PRKN: variants seen among roughly 807,000 people sequenced by gnomAD.
The protein encoded by PRKN is parkin RBR E3 ubiquitin protein ligase.
A neutral mutation model predicts 59.5 loss-of-function variants in PRKN; 56 were observed. That is an observed-to-expected ratio of 0.94 (90% CI 0.76 to 1.18). The LOEUF (loss-of-function observed/expected upper bound fraction) is 1.18, where lower values mean the gene tolerates loss of function less well. Among genes scored for constraint, PRKN ranks in the 50% most tolerant of loss-of-function variants. The pLI is 0.00. For missense variants in PRKN, 657 were observed against 596.4 expected, an observed-to-expected ratio of 1.10 and a Z score of -1.06; for synonymous variants, 250 against 222.1, an observed-to-expected ratio of 1.13 and a Z score of -1.12.
rs1372944687 is a variant in PRKN, at chr6:161,372,581, T to G, written c.1168-12376A>C. Among the ~76,000 whole-genome samples the G allele has an allele frequency of 6.6e-6, 1 of 152,206 alleles. No homozygotes were observed. Among genetic ancestry groups the G allele is most frequent in the Non-Finnish European group, 1.5e-5 (1 of 68,032 alleles). On this transcript the variant is annotated intron_variant, in intron 10 of 11. Transcript: ENST00000366898. The surrounding 1 kb of genome is among the most constrained non-coding windows in gnomAD (Gnocchi z 4.2). ...TGACAAATAGCAAGCCAACAATCCC[T>G]GCCTTGTGGAGCTTCCCCATTAGCA...
chr6:161,847,507 T>C (rs1050180332), intron 6 of PRKN, among the ~76,000 whole-genome samples: 1 of 152,150 alleles, frequency 6.6e-6, no homozygotes, highest in Admixed American at 6.5e-5. Flanking sequence ...GGTGGGTATT[T>C]TGTGGCATGA....
rs114045082 is a variant in PRKN at position 162,071,666 on chromosome 6, G to A, written c.535-17492C>T. Among the ~76,000 whole-genome samples, 904 of 151,474 alleles carry A rather than the reference G, an allele frequency of 6.0e-3. 9 individuals are homozygous for A. The highest frequency in any genetic ancestry group is 0.021 in the African/African-American group (852 of 41,254). ...GGCTGGAGTGCAGTACTGCGATCCT[G>A]GCAAACTGCAACCTCTGCCTGCCGG... On this transcript the variant is annotated intron_variant, in intron 4 of 11. Coordinates refer to ENST00000366898, the MANE Select transcript of PRKN (RefSeq NM_004562.3).
At chr6:161,768,542 G>A (rs1789526779) in intron 7 of PRKN, among the ~76,000 whole-genome samples, 1 of 151,682 alleles carries the variant, frequency 6.6e-6, no homozygotes, top group Admixed American at 6.6e-5. Context: ...TTAAACACAT[G>A]GAAAACAAAA....
chr6:162,274,768 A>G (rs1015028373), intron 2 of PRKN, among the ~76,000 whole-genome samples: 6 of 152,118 alleles, frequency 3.9e-5, no homozygotes, highest in South Asian at 2.1e-4. Context: ...AAGTTTCTTC[A>G]TTGTCCTTAT....
chr6:161,386,300 T>C lies in PRKN; in HGVS notation c.1167+494A>G, dbSNP rs1786239075. 6.6e-6 allele frequency among the ~76,000 whole-genome samples: 1 copy of C among 152,180 alleles called. No individual in the cohort carries two copies. The highest frequency in any genetic ancestry group is 1.5e-5 in the Non-Finnish European group (1 of 68,034). ...TAGAGAGTGAGGCTCGGCCAACACA[T>C]TCTTTACTTAATGAGGACTGAAACA... On this transcript the variant is annotated intron_variant, in intron 10 of 11. Transcript: ENST00000366898. This position sits in a 1 kb window ranked among gnomAD's most constrained non-coding sequence, Gnocchi z 4.3.
In PRKN at chr6:162,443,307, C is replaced by T. The variant is rs1183406436; in HGVS notation, c.171+3G>A. On this transcript the variant is annotated splice_donor_region_variant and intron_variant, in intron 2 of 11. Coordinates refer to ENST00000366898, the MANE Select transcript of PRKN (RefSeq NM_004562.3). ...CCAAGAACGGCCGCCAAGGGAGACT[C>T]ACCTGCACAGTCCAGTCATTCCTCA... 6.2e-7 allele frequency: 1 copy of T among 1,612,254 alleles called. No homozygotes were observed. The highest frequency in any genetic ancestry group is 1.3e-5 in the African/African-American group (1 of 74,974).
At chr6:161,481,965 T>C (rs1359400371) in intron 9 of PRKN, among the ~76,000 whole-genome samples, 2 of 140,342 alleles carry the variant, frequency 1.4e-5, no homozygotes, top group African/African-American at 2.6e-5. Flanking sequence ...GGAGTCACTT[T>C]AGAACATTAG....
At position 161,385,306 on chromosome 6, in the gene PRKN, G is replaced by A. The variant is rs551986230; in HGVS notation, c.1167+1488C>T. On this transcript the variant is annotated intron_variant, in intron 10 of 11. Transcript: ENST00000366898. The surrounding 1 kb of genome is among the most constrained non-coding windows in gnomAD (Gnocchi z 4.9). ...CACCCAAATGCTCAACTTAATGTCTGCTAATTGACACTATTTGCAGACACA... is the reference window on the plus strand; with the variant it reads ...CACCCAAATGCTCAACTTAATGTCTACTAATTGACACTATTTGCAGACACA... Among the ~76,000 whole-genome samples the A allele has an allele frequency of 6.6e-6, 1 of 152,294 alleles. No homozygotes were observed. The highest frequency in any genetic ancestry group is 2.1e-4 in the South Asian group (1 of 4,824).
At chr6:161,751,769 C>G (rs1335915686) in intron 7 of PRKN, among the ~76,000 whole-genome samples, 2 of 152,084 alleles carry the variant, frequency 1.3e-5, no homozygotes, top group Admixed American at 1.3e-4. Context: ...CAAATTATTA[C>G]GTGGGGTATA....
intron 2 of PRKN, among the ~76,000 whole-genome samples, chr6:162,319,064 AG>A (rs1297423188): frequency 6.6e-6 from 1 of 152,042 alleles, no homozygotes; most frequent in South Asian, 2.1e-4. Flanking sequence ...TTCTTTACAC[AG>A]TCTTCATCCT....
chr6:162,279,629 G>C (rs2128105926), intron 2 of PRKN, among the ~76,000 whole-genome samples: 1 of 152,262 alleles, frequency 6.6e-6, no homozygotes, highest in South Asian at 2.1e-4. Context: ...TAGAACAAGT[G>C]CTATGTGGTG....
intron 6 of PRKN, among the ~76,000 whole-genome samples, chr6:161,844,899 A>G (rs147014659): frequency 6.6e-6 from 1 of 152,376 alleles, no homozygotes; most frequent in African/African-American, 2.4e-5. Context: ...TAAGGAGTCT[A>G]TAATTAGTAC....
chr6:162,394,272 G>A (rs1337555909), intron 2 of PRKN, among the ~76,000 whole-genome samples: 1 of 152,138 alleles, frequency 6.6e-6, no homozygotes, highest in Non-Finnish European at 1.5e-5. Context: ...AGGGAGCTCT[G>A]GGCAAAGTGA....
At chr6:162,370,096 T>C (rs776503147) in intron 2 of PRKN, among the ~76,000 whole-genome samples, 3 of 152,200 alleles carry the variant, frequency 2.0e-5, no homozygotes, top group South Asian at 2.1e-4. Context: ...TTTCTCTCCA[T>C]AGAAAAAGCT....
At chr6:162,184,166 A>G (rs974252501) in intron 4 of PRKN, among the ~76,000 whole-genome samples, 1 of 152,226 alleles carries the variant, frequency 6.6e-6, no homozygotes, top group Non-Finnish European at 1.5e-5. Context: ...TAATGTACAT[A>G]TCCAGGATCT....
chr6:161,356,415 T>C lies in PRKN; in HGVS notation c.1285+3673A>G, dbSNP rs1784752813. ...CGGGACTGTGTGGTTGCAATGTCAG[T>C]GGGGACCCCCGGGGGGAAGGGCAGG... On this transcript the variant is annotated intron_variant, in intron 11 of 11. Coordinates refer to ENST00000366898, the MANE Select transcript of PRKN (RefSeq NM_004562.3). This position sits in a 1 kb window ranked among gnomAD's most constrained non-coding sequence, Gnocchi z 7.8. Among the ~76,000 whole-genome samples, 1 of 152,050 alleles carries C rather than the reference T, an allele frequency of 6.6e-6. No individual in the cohort carries two copies. The highest frequency in any genetic ancestry group is 1.5e-5 in the Non-Finnish European group (1 of 68,002).
At chr6:162,418,049 T>C (rs1788735509) in intron 2 of PRKN, among the ~76,000 whole-genome samples, 1 of 152,190 alleles carries the variant, frequency 6.6e-6, no homozygotes, top group Admixed American at 6.5e-5. Context: ...TACAAAAGCC[T>C]GCACACAAAT....
chr6:161,509,585 A>G (rs1313415442), intron 9 of PRKN, among the ~76,000 whole-genome samples: 3 of 151,428 alleles, frequency 2.0e-5, no homozygotes, highest in Non-Finnish European at 2.9e-5. Flanking sequence ...TTGGGGGGAA[A>G]AAAAGAAAAA....
At chr6:161,959,227 C>CA (rs980618849) in intron 6 of PRKN, among the ~76,000 whole-genome samples, 3 of 152,170 alleles carry the variant, frequency 2.0e-5, no homozygotes, top group African/African-American at 7.2e-5. Context: ...ATTTGCTGCT[C>CA]AGATGTGAGG....
Sources: gnomAD v4.1 joint callset for allele counts (sites outside exome capture counted in the v4.1 genomes callset) on GRCh38, gnomAD v4.1.1 for gene constraint, Gnocchi (gnomAD v3.1) non-coding constraint, MANE v1.5 for transcripts, NCBI Gene and HGNC (gene_info 2026-07-23, HGNC 2026-07-21) for gene names.